PRSS23: variants seen among roughly 807,000 people sequenced by gnomAD.
The protein encoded by PRSS23 is protease, serine 23.
Under a neutral mutation model 34.7 loss-of-function variants are expected in PRSS23, and 25 were observed. The ratio of observed to expected loss-of-function variants is 0.72; its 90% CI spans 0.53 to 1.01. The LOEUF (loss-of-function observed/expected upper bound fraction) is 1.01, where lower values mean the gene tolerates loss of function less well. PRSS23 is among the 50% of genes least tolerant of loss of function. The pLI is 0.00. For synonymous variants in PRSS23, 176 were observed against 186.6 expected (o/e 0.94, Z 0.46); for missense variants, 445 against 475.6 (o/e 0.94, Z 0.60).
intron 2 of PRSS23, among the ~76,000 whole-genome samples, chr11:86,916,467 G>T (rs1949013449): frequency 1.3e-5 from 2 of 152,266 alleles, no homozygotes; most frequent in South Asian, 4.2e-4. Flanking sequence ...GGACCTAGAG[G>T]AATTAAAAGG....
intron 2 of PRSS23, among the ~76,000 whole-genome samples, chr11:86,906,796 G>T (rs773511526): frequency 1.3e-5 from 2 of 152,052 alleles, no homozygotes; most frequent in African/African-American, 2.4e-5. Flanking sequence ...AACATTTTAG[G>T]TACGTTATTT....
rs1024301593 is a variant in PRSS23 at position 86,951,535 on chromosome 11, A to G, written c.*250A>G. 15 of 1,614,190 alleles carry G rather than the reference A, an allele frequency of 9.3e-6. No individual in the cohort carries two copies. The highest frequency in any genetic ancestry group is 1.2e-5 in the Non-Finnish European group (14 of 1,180,016). On this transcript the variant is annotated 3_prime_UTR_variant, in exon 3 of 3. Transcript: ENST00000533902. Reference sequence around the variant, plus strand: ...TTTTGAACAAGGCCACCAAACCTGCAGCAATGAACAAAGTTCCAATGACCA... The same window carrying G: ...TTTTGAACAAGGCCACCAAACCTGCGGCAATGAACAAAGTTCCAATGACCA...
chr11:86,927,039 C>A (rs1390749652), intron 2 of PRSS23, among the ~76,000 whole-genome samples: 5 of 152,200 alleles, frequency 3.3e-5, no homozygotes, highest in Non-Finnish European at 7.3e-5. Context: ...GTCACCCCCA[C>A]TTCCCAGATC....
downstream of PRSS23, among the ~76,000 whole-genome samples, chr11:86,813,298 T>TAACACAC (rs1189233273): frequency 6.6e-6 from 1 of 152,220 alleles, no homozygotes; most frequent in Non-Finnish European, 1.5e-5. Context: ...ACCTGTGTGT[T>TAACACAC]AGTGGCTTAT....
At chr11:86,851,703 G>T (rs1297961952) in intron 2 of PRSS23, among the ~76,000 whole-genome samples, 2 of 152,200 alleles carry the variant, frequency 1.3e-5, no homozygotes, top group Non-Finnish European at 2.9e-5. Context: ...CTACACAGAT[G>T]AAATGAAACA....
chr11:86,879,267 C>T (rs1171592897), intron 2 of PRSS23, among the ~76,000 whole-genome samples: 1 of 149,448 alleles, frequency 6.7e-6, no homozygotes, highest in African/African-American at 2.5e-5. Context: ...CGCCTCTACC[C>T]AGCTGCGACC....
intron 2 of PRSS23, among the ~76,000 whole-genome samples, chr11:86,926,492 C>T (rs1435997875): frequency 6.6e-6 from 1 of 152,128 alleles, no homozygotes; most frequent in Admixed American, 6.5e-5. Flanking sequence ...TAAAGGGGTA[C>T]CCATAATTAT....
intron 1 of PRSS23, among the ~76,000 whole-genome samples, chr11:86,794,194 T>TTG (rs1947967401): frequency 6.6e-6 from 1 of 152,168 alleles, no homozygotes; most frequent in Non-Finnish European, 1.5e-5. Context: ...TAAAAGATTT[T>TTG]TAAAGTTGTA....
intron 2 of PRSS23, among the ~76,000 whole-genome samples, chr11:86,839,209 G>C (rs1948429536): frequency 6.6e-6 from 1 of 152,178 alleles, no homozygotes; most frequent in African/African-American, 2.4e-5. Context: ...AGCTAAAGGA[G>C]CATGTTCTAA....
At chr11:86,883,893 T>G (rs1378045183) in intron 2 of PRSS23, among the ~76,000 whole-genome samples, 1 of 152,218 alleles carries the variant, frequency 6.6e-6, no homozygotes, top group Non-Finnish European at 1.5e-5. Context: ...TAAGCATTAG[T>G]ATGCTTCCTA....
intron 2 of PRSS23, among the ~76,000 whole-genome samples, chr11:86,830,534 G>T (rs3016253): frequency 6.6e-6 from 1 of 151,852 alleles, no homozygotes; most frequent in East Asian, 1.9e-4. Context: ...CCCTAGTGAG[G>T]TGAACCTGGT....
intron 2 of PRSS23, among the ~76,000 whole-genome samples, chr11:86,942,783 C>A (rs529710125): frequency 6.6e-4 from 101 of 152,262 alleles, no homozygotes; most frequent in African/African-American, 2.3e-3. Flanking sequence ...TTTTGAAACC[C>A]TTTTGAACTA....
chr11:86,845,835 T>C (rs891899368), intron 2 of PRSS23, among the ~76,000 whole-genome samples: 1 of 152,212 alleles, frequency 6.6e-6, no homozygotes, highest in Non-Finnish European at 1.5e-5. Context: ...AGACCTTATC[T>C]ATGCTCCCAA....
At position 86,926,357 on chromosome 11, in the gene PRSS23, G is replaced by A. The variant is rs1469415648; in HGVS notation, c.207-24859G>A. Among the ~76,000 whole-genome samples, 5 of 152,170 alleles carry A rather than the reference G, an allele frequency of 3.3e-5. 1 individual carries two copies. The highest frequency in any genetic ancestry group is 6.8e-3 in the Middle Eastern group (2 of 294). On this transcript the variant is annotated intron_variant, in intron 2 of 2. Transcript: ENST00000533902. ...CAGACTAGGTGACAAGAACGAGACT[G>A]CATCTCACAAAAATAAATAAATAAT...
chr11:86,944,849 G>C (rs75727571), intron 2 of PRSS23, among the ~76,000 whole-genome samples: 7,023 of 152,266 alleles, frequency 0.046, 244 homozygotes, highest in East Asian at 0.19. Flanking sequence ...CAGATAAGGA[G>C]AGTAGTACTG....
At position 86,810,281 on chromosome 11, in the gene PRSS23, A is replaced by G. The variant is rs1948162825; in HGVS notation, c.*1486A>G. 1 of 166,646 alleles carries G rather than the reference A, an allele frequency of 6.0e-6. No individual in the cohort carries two copies. The highest frequency in any genetic ancestry group is 2.4e-5 in the African/African-American group (1 of 41,470). 10.3% of individuals were successfully genotyped at this position (166,646 alleles called of 1,614,324 possible). On this transcript the variant is annotated 3_prime_UTR_variant, in exon 2 of 2. Coordinates refer to ENST00000280258, the MANE Select transcript of PRSS23 (RefSeq NM_007173.6). ...TTTGCTGTGCTTGCACCCCAGGTAA[A>G]CCTGCATTGTAGCAATTTGTAAGGA...
chr11:86,897,445 C>A (rs1164604198), intron 2 of PRSS23, among the ~76,000 whole-genome samples: 1 of 152,100 alleles, frequency 6.6e-6, no homozygotes, highest in Non-Finnish European at 1.5e-5. Context: ...ACATAGTAAA[C>A]AACTCAGTTT....
chr11:86,951,272 A>G, exon 3 of PRSS23: 2 of 1,614,186 alleles, frequency 1.2e-6, no homozygotes, highest in South Asian at 2.2e-5. Context: ...GGCAGACCAA[A>G]TCCACATGCC....
intron 2 of PRSS23, among the ~76,000 whole-genome samples, chr11:86,838,565 C>A (rs934188030): frequency 1.3e-5 from 2 of 152,218 alleles, no homozygotes; most frequent in Non-Finnish European, 2.9e-5. Context: ...CGAAAGGCAG[C>A]AGACAGATTC....
Sources: allele counts gnomAD v4.1 joint callset (sites outside exome capture counted in the v4.1 genomes callset), GRCh38; gene constraint gnomAD v4.1.1; transcripts MANE v1.5; gene names NCBI Gene and HGNC (gene_info 2026-07-23, HGNC 2026-07-21).